CELF2: variants seen among roughly 807,000 people sequenced by gnomAD.
CELF2 encodes CUG triplet repeat RNA-binding protein 2.
CELF2 carries 8 observed loss-of-function variants against 62.6 expected under a neutral mutation model. The observed-to-expected ratio is 0.13, with a 90% CI of 0.07 to 0.23. The LOEUF is 0.23. Ranked by LOEUF, CELF2 falls within the 10% of genes least tolerant of loss-of-function variation. The pLI is 1.00. For missense variants in CELF2, 333 were observed against 671.0 expected (o/e 0.50, Z 5.56); for synonymous variants, 258 against 250.0 (o/e 1.03, Z -0.30).
rs985983938 is a variant in CELF2, at chr10:10,928,405, A to G, written c.89+8406A>G. Among the ~76,000 whole-genome samples the G allele has an allele frequency of 6.6e-6, 1 of 152,020 alleles. No homozygotes were observed. Among genetic ancestry groups the G allele is most frequent in the Non-Finnish European group, 1.5e-5 (1 of 68,016 alleles). On this transcript the variant is annotated intron_variant, in intron 2 of 13. Coordinates refer to the CELF2 transcript ENST00000636488. This position sits in a 1 kb window ranked among gnomAD's most constrained non-coding sequence, Gnocchi z 4.8. Reference sequence around the variant, plus strand: ...CATCTCTCTGCTCTTTTTCTCCCCTACCAAACTCTCTACCACTTGTTCTTC... The same window carrying G: ...CATCTCTCTGCTCTTTTTCTCCCCTGCCAAACTCTCTACCACTTGTTCTTC...
the CELF2 span, among the ~76,000 whole-genome samples, chr10:10,483,028 T>G: frequency 1.3e-5 from 2 of 152,058 alleles, no homozygotes; most frequent in Non-Finnish European, 2.9e-5. Context: ...TCTGCCTCCT[T>G]AAAGAGCCGG....
intron 1 of CELF2, among the ~76,000 whole-genome samples, chr10:10,868,912 A>G (rs962135760): frequency 2.0e-5 from 3 of 152,240 alleles, no homozygotes; most frequent in African/African-American, 7.2e-5. Flanking sequence ...GCTAATTTCA[A>G]TGGTAGGTAT....
At position 11,335,010 on chromosome 10, in the gene CELF2, A is replaced by G. The variant is rs1288880156; in HGVS notation, c.*5957A>G. 6.6e-6 allele frequency: 1 copy of G among 152,224 alleles called. No individual in the cohort carries two copies. Among genetic ancestry groups the G allele is most frequent in the African/African-American group, 2.4e-5 (1 of 41,460 alleles). The allele number at this position is 152,224 out of a possible 1,614,324, so 9.4% of individuals were successfully genotyped here. A position where few individuals can be genotyped will look rare whatever the true frequency, so the allele number is the denominator to read the frequency against. On this transcript the variant is annotated 3_prime_UTR_variant, in exon 13 of 13. Transcript: ENST00000633077. The surrounding 1 kb of genome is among the most constrained non-coding windows in gnomAD (Gnocchi z 5.0). ...AACGGAAGAGAAAAGAAGTATTTCC[A>G]AGGGCTCAAATGGAAGCTGTACTCA...
intron 2 of CELF2, among the ~76,000 whole-genome samples, chr10:10,981,448 G>A (rs560502252): frequency 4.6e-5 from 7 of 152,312 alleles, no homozygotes; most frequent in East Asian, 3.9e-4. Context: ...AATCCGCAGC[G>A]ACGGTAATTT....
intron 1 of CELF2, among the ~76,000 whole-genome samples, chr10:11,078,447 A>G (rs1005630650): frequency 2.0e-5 from 3 of 152,174 alleles, no homozygotes; most frequent in Non-Finnish European, 4.4e-5. Context: ...ACACAGTCCC[A>G]AGTCGAAATA....
chr10:10,923,636 C>T (rs1442707314), intron 2 of CELF2, among the ~76,000 whole-genome samples: 1 of 152,156 alleles, frequency 6.6e-6, no homozygotes, highest in African/African-American at 2.4e-5. Context: ...GAAATTAAAG[C>T]CTGGTAGTAA....
chr10:10,736,391 TC>T, the CELF2 span, among the ~76,000 whole-genome samples: 15 of 86,060 alleles, frequency 1.7e-4, no homozygotes, highest in African/African-American at 6.8e-4. Flanking sequence ...TTTCTTTCTT[TC>T]TTTCTTTTTT....
chr10:10,615,268 A>G, the CELF2 span, among the ~76,000 whole-genome samples: 15 of 152,234 alleles, frequency 9.9e-5, no homozygotes, highest in African/African-American at 2.9e-4. Context: ...ACTGTTTAAA[A>G]TTTGTCACTG....
At chr10:10,859,628 T>G (rs1564730090) in intron 1 of CELF2, among the ~76,000 whole-genome samples, 1 of 152,046 alleles carries the variant, frequency 6.6e-6, no homozygotes, top group Non-Finnish European at 1.5e-5. Flanking sequence ...CACACAAACC[T>G]TTTTATAGTA....
At chr10:11,195,137 C>T (rs534282313) in intron 2 of CELF2, among the ~76,000 whole-genome samples, 1 of 152,318 alleles carries the variant, frequency 6.6e-6, no homozygotes, top group East Asian at 1.9e-4. Context: ...TGAACTTAAA[C>T]TCCTATCACA....
At chr10:10,611,487 A>C in the CELF2 span, among the ~76,000 whole-genome samples, 1 of 152,222 alleles carries the variant, frequency 6.6e-6, no homozygotes, top group Non-Finnish European at 1.5e-5. Context: ...TAGAACCCGT[A>C]AGTCACCAAC....
intron 2 of CELF2, among the ~76,000 whole-genome samples, chr10:11,184,861 C>T (rs2074408906): frequency 6.6e-6 from 1 of 152,194 alleles, no homozygotes; most frequent in African/African-American, 2.4e-5. Context: ...CTTTTCCAAT[C>T]TAAGTCTTGT....
At position 11,075,950 on chromosome 10, in the gene CELF2, TAGA is replaced by T. The variant is rs2071764213; in HGVS notation, c.74+57790_74+57792del. Among the ~76,000 whole-genome samples the T allele has an allele frequency of 1.3e-5, 2 of 152,258 alleles. No individual in the cohort carries two copies. Among genetic ancestry groups the T allele is most frequent in the Admixed American group, 1.3e-4 (2 of 15,280 alleles). On this transcript the variant is annotated intron_variant, in intron 1 of 12. Transcript: ENST00000633077. This position sits in a 1 kb window ranked among gnomAD's most constrained non-coding sequence, Gnocchi z 5.4. ...CTTTCCTTTTTCTTCCTGTTTTTGT[TAGA>T]AGTTTATTGAAAAATGATATATCAG...
At chr10:10,623,186 A>G in the CELF2 span, among the ~76,000 whole-genome samples, 46 of 150,830 alleles carry the variant, frequency 3.0e-4, no homozygotes, top group Non-Finnish European at 6.2e-4. Context: ...CATGAATGGC[A>G]GTACAGCTGC....
chr10:10,872,958 G>C (rs1449626027), intron 1 of CELF2, among the ~76,000 whole-genome samples: 1 of 152,138 alleles, frequency 6.6e-6, no homozygotes, highest in African/African-American at 2.4e-5. Context: ...ACCTTTCTTG[G>C]TGGTTAAAAT....
At position 10,957,178 on chromosome 10, in the gene CELF2, G is replaced by C. The variant is rs954035308; in HGVS notation, c.89+37179G>C. Among the ~76,000 whole-genome samples, 2 of 152,112 alleles carry C rather than the reference G, an allele frequency of 1.3e-5. No homozygotes were observed. The highest frequency in any genetic ancestry group is 2.9e-5 in the Non-Finnish European group (2 of 68,028). ...CCTCTCTGGAGTTCCTGACATTTCC[G>C]CAAATAAGTCTTAGTCTCTTTACCA... On this transcript the variant is annotated intron_variant, in intron 2 of 13. Coordinates refer to the CELF2 transcript ENST00000636488. This position sits in a 1 kb window ranked among gnomAD's most constrained non-coding sequence, Gnocchi z 4.1.
At chr10:10,628,948 T>C in the CELF2 span, among the ~76,000 whole-genome samples, 1 of 152,200 alleles carries the variant, frequency 6.6e-6, no homozygotes, top group African/African-American at 2.4e-5. Flanking sequence ...AGGGGTACTT[T>C]CTAATTTTAA....
intron 1 of CELF2, among the ~76,000 whole-genome samples, chr10:10,890,633 G>A (rs992363983): frequency 9.9e-5 from 15 of 152,198 alleles, no homozygotes; most frequent in African/African-American, 3.1e-4. Flanking sequence ...TTGCTGAGAG[G>A]TGAAGCTGGT....
chr10:11,144,069 T>C (rs1384382934), intron 1 of CELF2, among the ~76,000 whole-genome samples: 2 of 152,156 alleles, frequency 1.3e-5, no homozygotes, highest in African/African-American at 2.4e-5. Context: ...GGGTTCACTC[T>C]CTAGGCCTCT....
Sources: gnomAD v4.1 joint callset for allele counts (sites outside exome capture counted in the v4.1 genomes callset) on GRCh38, gnomAD v4.1.1 for gene constraint, Gnocchi (gnomAD v3.1) non-coding constraint, MANE v1.5 for transcripts, NCBI Gene and HGNC (gene_info 2026-07-23, HGNC 2026-07-21) for gene names.